PPP1R21: variants seen among roughly 807,000 people sequenced by gnomAD.
PPP1R21 encodes the protein protein phosphatase 1 regulatory subunit 21, also known as KLRAQ motif containing 1.
PPP1R21 carries 85 observed loss-of-function variants against 112.8 expected under a neutral mutation model. The observed-to-expected ratio is 0.75, with a 90% CI of 0.63 to 0.90. PPP1R21 has a LOEUF of 0.90. Among genes scored for constraint, PPP1R21 ranks in the 40% least tolerant of loss-of-function variants. The probability of loss-of-function intolerance (pLI) is 0.00; values close to 1 mark genes in which losing one functional copy is unlikely to be tolerated. For synonymous variants in PPP1R21, 381 were observed against 322.3 expected (o/e 1.18, Z -1.95); for missense variants, 1,199 against 901.5 (o/e 1.33, Z -4.23).
chr2:48,478,035 C>A (rs546076329), intron 12 of PPP1R21, among the ~76,000 whole-genome samples: 1 of 152,080 alleles, frequency 6.6e-6, no homozygotes, highest in Non-Finnish European at 1.5e-5. Context: ...GACAGAGATA[C>A]AAGGGGGAAG....
chr2:48,451,005 C>T lies in PPP1R21; in HGVS notation c.58-3C>T. 6.2e-7 allele frequency: 1 copy of T among 1,612,884 alleles called. No homozygotes were observed. The highest frequency in any genetic ancestry group is 8.5e-7 in the Non-Finnish European group (1 of 1,179,064). On this transcript the variant is annotated splice_region_variant and splice_polypyrimidine_tract_variant and intron_variant, in intron 1 of 21. Transcript: ENST00000294952. Reference sequence around the variant, plus strand: ...AATTGATTATTGCTTTCTCTGTTTTCAGCTTCGGGCTCAGAATCAGGTTCT... The same window carrying T: ...AATTGATTATTGCTTTCTCTGTTTTTAGCTTCGGGCTCAGAATCAGGTTCT...
intron 8 of PPP1R21, 27 bp from the exon 9 acceptor site, chr2:48,465,466 C>T: frequency 1.9e-6 from 3 of 1,590,224 alleles, no homozygotes; most frequent in Non-Finnish European, 2.6e-6. Flanking sequence ...GAGAGTTGAC[C>T]TTAACTATAT....
At position 48,440,946 on chromosome 2, in the gene PPP1R21, G is replaced by T. The variant is rs777951968; in HGVS notation, c.-8G>T. ...GGGCGGCCTGGCCTGTACGGGGCGG[G>T]GGAGGCCATGGCCTCGGCTGAGTTG... On this transcript the variant is annotated 5_prime_UTR_variant, in exon 1 of 22. Coordinates refer to ENST00000294952, the MANE Select transcript of PPP1R21 (RefSeq NM_001135629.3). The T allele has an allele frequency of 2.5e-6, 4 of 1,604,806 alleles. No homozygotes were observed. The highest frequency in any genetic ancestry group is 3.4e-6 in the Non-Finnish European group (4 of 1,173,344).
intron 1 of PPP1R21, among the ~76,000 whole-genome samples, chr2:48,449,403 G>A (rs200222033): frequency 6.6e-6 from 1 of 152,266 alleles, no homozygotes; most frequent in South Asian, 2.1e-4. Flanking sequence ...CATATAGCTG[G>A]TTAAGTGAAT....
intron 2 of PPP1R21, 86 bp from the exon 3 acceptor site, chr2:48,454,509 T>C (rs774446719): frequency 1.5e-5 from 23 of 1,492,148 alleles, no homozygotes; most frequent in Non-Finnish European, 1.9e-5. Context: ...TTGATTATAT[T>C]TTGGTGAAAT....
At chr2:48,457,622 A>G (rs564310742) in intron 3 of PPP1R21, among the ~76,000 whole-genome samples, 14 of 152,190 alleles carry the variant, frequency 9.2e-5, no homozygotes, top group Non-Finnish European at 1.8e-4. Context: ...TATTTATAAT[A>G]GCTTTATTTT....
intron 13 of PPP1R21, among the ~76,000 whole-genome samples, chr2:48,481,593 G>C (rs1003295902): frequency 2.6e-5 from 4 of 152,096 alleles, no homozygotes; most frequent in Non-Finnish European, 2.9e-5. Flanking sequence ...TTTTTCCTCT[G>C]CTGGCTGGGT....
chr2:48,464,061 T>C (rs1433401465), intron 7 of PPP1R21, among the ~76,000 whole-genome samples: 1 of 152,116 alleles, frequency 6.6e-6, no homozygotes, highest in Non-Finnish European at 1.5e-5. Context: ...TAAATTGTAG[T>C]GGACTTTACT....
At chr2:48,461,428 A>G (rs1008331690) in intron 7 of PPP1R21, among the ~76,000 whole-genome samples, 196 bp downstream of exon 7, 1 of 152,194 alleles carries the variant, frequency 6.6e-6, no homozygotes, top group Non-Finnish European at 1.5e-5. Context: ...TAACTACTCC[A>G]AAGCTGGTCT....
chr2:48,504,707 C>G (rs190343880), intron 17 of PPP1R21, among the ~76,000 whole-genome samples: 1 of 152,324 alleles, frequency 6.6e-6, no homozygotes, highest in Non-Finnish European at 1.5e-5. Context: ...TCCATTGACA[C>G]TGAGTTTCCA....
intron 12 of PPP1R21, 99 bp from the exon 13 acceptor site, chr2:48,479,825 A>T: frequency 1.3e-6 from 1 of 793,240 alleles, no homozygotes; most frequent in Non-Finnish European, 2.2e-6. Context: ...CTAGCACATT[A>T]CAACCAATCT....
chr2:48,468,824 A>T (rs1016721740), intron 9 of PPP1R21, among the ~76,000 whole-genome samples: 11 of 67,722 alleles, frequency 1.6e-4, no homozygotes, highest in African/African-American at 5.0e-4. Context: ...CAAGAAAAAA[A>T]ATGTATGTGT....
At chr2:48,486,986 A>G (rs930313302) in intron 14 of PPP1R21, among the ~76,000 whole-genome samples, 1 of 152,216 alleles carries the variant, frequency 6.6e-6, no homozygotes, top group Non-Finnish European at 1.5e-5. Flanking sequence ...TCCTGGACTC[A>G]GGGGAGTCTC....
intron 13 of PPP1R21, among the ~76,000 whole-genome samples, chr2:48,481,014 A>T (rs1471731392): frequency 6.6e-6 from 1 of 152,134 alleles, no homozygotes; most frequent in African/African-American, 2.4e-5. Context: ...TCTGAGGTTC[A>T]GTTTCGCTTT....
chr2:48,440,961 C>T lies in PPP1R21; in HGVS notation c.8C>T (p.Ser3Leu), dbSNP rs781726119. 36 of 1,611,080 alleles carry T rather than the reference C, an allele frequency of 2.2e-5. No individual in the cohort carries two copies. Among genetic ancestry groups the T allele is most frequent in the Non-Finnish European group, 2.8e-5 (33 of 1,178,252 alleles). Residue 3 changes from serine to leucine, a missense_variant, in exon 1 of 22, where the codon TCG becomes TTG. Transcript: ENST00000294952. ...TACGGGGCGGGGGAGGCCATGGCCTCGGCTGAGTTGCAGGGGAAGTACCAG... is the reference window on the plus strand; with the variant it reads ...TACGGGGCGGGGGAGGCCATGGCCTTGGCTGAGTTGCAGGGGAAGTACCAG... MA[S>L]AELQGKYQKL...
Position 48,465,580 on chromosome 2 carries a change from C to G in PPP1R21, c.835C>G (p.Gln279Glu), listed in dbSNP as rs1264654052. 6 of 1,613,784 alleles carry G rather than the reference C, an allele frequency of 3.7e-6. No individual in the cohort carries two copies. The Admixed American group carries it at 8.3e-5, about 22-fold the overall frequency. Reference protein sequence around the residue: ...ALLNFHTYTEQRIQIFPVDSA... With the variant: ...ALLNFHTYTEERIQIFPVDSA... Reference sequence around the variant, plus strand: ...TCTAAACTTTCATACCTACACAGAACAGAGGATTCAAATTTTTCCTGTTGA... The same window carrying G: ...TCTAAACTTTCATACCTACACAGAAGAGAGGATTCAAATTTTTCCTGTTGA... The change falls in exon 9 of 22, where the codon CAG (glutamine) becomes GAG (glutamate). Residue 279 changes from glutamine (Q) to glutamate (E), a missense_variant. Gln to Glu is a conservative substitution (Grantham distance 29). Coordinates refer to ENST00000294952, the MANE Select transcript of PPP1R21 (RefSeq NM_001135629.3).
intron 1 of PPP1R21, among the ~76,000 whole-genome samples, chr2:48,448,813 G>C (rs1055982625): frequency 2.0e-5 from 3 of 152,186 alleles, no homozygotes; most frequent in Non-Finnish European, 4.4e-5. Context: ...ACCAAGCTCT[G>C]TAAGAGGCCA....
At chr2:48,449,897 G>A (rs1667402387) in intron 1 of PPP1R21, among the ~76,000 whole-genome samples, 1 of 152,082 alleles carries the variant, frequency 6.6e-6, no homozygotes, top group South Asian at 2.1e-4. Flanking sequence ...CAGCTACAAT[G>A]AGCTTGTATA....
At chr2:48,463,467 A>T (rs1226213032) in intron 7 of PPP1R21, among the ~76,000 whole-genome samples, 1 of 152,098 alleles carries the variant, frequency 6.6e-6, no homozygotes, top group Non-Finnish European at 1.5e-5. Flanking sequence ...TGGACACTAG[A>T]TTGCCAGCAC....
Sources: gnomAD v4.1 joint callset for allele counts (sites outside exome capture counted in the v4.1 genomes callset) on GRCh38, gnomAD v4.1.1 for gene constraint, MANE v1.5 for transcripts, NCBI Gene and HGNC (gene_info 2026-07-23, HGNC 2026-07-21) for gene names.